The following RBMS3 variants were observed in gnomAD, a reference collection of about 807,000 sequenced individuals.
RBMS3 encodes RNA-binding motif, single-stranded-interacting protein 3.
RBMS3 carries 27 observed loss-of-function variants against 66.8 expected under a neutral mutation model. The observed-to-expected ratio is 0.40, with a 90% CI of 0.30 to 0.56. RBMS3 has a LOEUF of 0.56. Ranked by LOEUF, RBMS3 falls within the 20% of genes least tolerant of loss-of-function variation. The pLI is 0.40. For missense variants in RBMS3, 513 were observed against 549.5 expected, an observed-to-expected ratio of 0.93 and a Z score of 0.66; for synonymous variants, 188 against 183.0, an observed-to-expected ratio of 1.03 and a Z score of -0.22.
intron 1 of RBMS3, among the ~76,000 whole-genome samples, chr3:29,315,395 A>G (rs900286752): frequency 6.6e-6 from 1 of 151,704 alleles, no homozygotes; most frequent in African/African-American, 2.4e-5. Context: ...TCCTCATTAT[A>G]TTTCTTCCTC....
intron 4 of RBMS3, among the ~76,000 whole-genome samples, chr3:29,587,476 A>G (rs1016303395): frequency 6.6e-6 from 1 of 151,502 alleles, no homozygotes; most frequent in Admixed American, 6.6e-5. Context: ...TATATTTATT[A>G]TTGTATCTTT....
At chr3:29,588,913 G>C (rs1446973595) in intron 4 of RBMS3, among the ~76,000 whole-genome samples, 1 of 151,950 alleles carries the variant, frequency 6.6e-6, no homozygotes, top group African/African-American at 2.4e-5. Context: ...CCAAGAAAAT[G>C]AATAGAAAAA....
chr3:29,553,868 T>C (rs1030457989), intron 3 of RBMS3, among the ~76,000 whole-genome samples: 1 of 151,588 alleles, frequency 6.6e-6, no homozygotes, highest in Admixed American at 6.6e-5. Flanking sequence ...AAAGGTACAC[T>C]GTGTGAATTT....
At chr3:29,764,667 T>C (rs1209367797) in intron 6 of RBMS3, among the ~76,000 whole-genome samples, 1 of 152,098 alleles carries the variant, frequency 6.6e-6, no homozygotes, top group East Asian at 1.9e-4. Context: ...ATTGAAAGCC[T>C]TCTTGCCCTG....
chr3:29,702,495 A>G (rs1033223233), intron 4 of RBMS3, among the ~76,000 whole-genome samples: 1 of 152,048 alleles, frequency 6.6e-6, no homozygotes, highest in Admixed American at 6.5e-5. Context: ...GTCCTCTTTC[A>G]CTCTGTGGAA....
At chr3:29,779,411 C>T (rs2056543376) in intron 6 of RBMS3, among the ~76,000 whole-genome samples, 1 of 151,516 alleles carries the variant, frequency 6.6e-6, no homozygotes, top group East Asian at 1.9e-4. Flanking sequence ...TTTTCTCCAT[C>T]TGTATAGTAT....
intron 4 of RBMS3, among the ~76,000 whole-genome samples, chr3:29,728,394 T>C (rs1226973550): frequency 1.3e-5 from 2 of 152,052 alleles, no homozygotes; most frequent in Non-Finnish European, 2.9e-5. Flanking sequence ...ATGTAAATAA[T>C]GTATATGCCA....
chr3:29,978,007 G>A (rs1156436813), intron 12 of RBMS3, among the ~76,000 whole-genome samples: 3 of 152,072 alleles, frequency 2.0e-5, no homozygotes, highest in Non-Finnish European at 1.5e-5. Flanking sequence ...GATATCACAG[G>A]TCGTTCTCTT....
rs1352928087 is a variant in RBMS3, at chr3:30,006,720, C to T, written c.*2858C>T. On this transcript the variant is annotated 3_prime_UTR_variant, in exon 15 of 15. Coordinates refer to ENST00000383767, the MANE Select transcript of RBMS3 (RefSeq NM_001003793.3). ...AATATGAAACCAACATACTTTCTTTCATTTTTGTGAAAAAATAACCAAAAA... is the reference window on the plus strand; with the variant it reads ...AATATGAAACCAACATACTTTCTTTTATTTTTGTGAAAAAATAACCAAAAA... 1.3e-5 allele frequency: 2 copies of T among 151,918 alleles called. No homozygotes were observed. Among genetic ancestry groups the T allele is most frequent in the Non-Finnish European group, 2.9e-5 (2 of 67,884 alleles). 9.4% of individuals were successfully genotyped at this position (151,918 alleles called of 1,614,324 possible).
intron 1 of RBMS3, among the ~76,000 whole-genome samples, chr3:29,359,967 G>A (rs9818338): frequency 0.52 from 79,632 of 151,758 alleles, 21,263 homozygotes; most frequent in African/African-American, 0.63. Flanking sequence ...CTAGCAGTCT[G>A]TCAATTTTGT....
At chr3:29,295,356 TAC>T (rs1317932155) in intron 1 of RBMS3, among the ~76,000 whole-genome samples, 134 of 145,242 alleles carry the variant, frequency 9.2e-4, no homozygotes, top group East Asian at 3.6e-3. Context: ...CATATATATA[TAC>T]ACACACATAT....
At chr3:29,358,826 C>T (rs2037386811) in intron 1 of RBMS3, among the ~76,000 whole-genome samples, 1 of 152,140 alleles carries the variant, frequency 6.6e-6, no homozygotes, top group African/African-American at 2.4e-5. Context: ...TGGGAGTTCA[C>T]TCATGATTTG....
intron 10 of RBMS3, chr3:29,924,861 A>G (rs1477764615): frequency 6.6e-6 from 1 of 151,010 alleles, no homozygotes; most frequent in Non-Finnish European, 1.5e-5. Flanking sequence ...AAAAAAAAAG[A>G]GAGAGAGAGA....
intron 3 of RBMS3, 55 bp downstream of exon 3, chr3:29,488,554 G>GAAGAACCATTAA: frequency 6.7e-7 from 1 of 1,495,354 alleles, no homozygotes; most frequent in Non-Finnish European, 9.2e-7. Flanking sequence ...CTGATTAATG[G>GAAGAACCATTAA]TTCTTCCATT....
At chr3:29,695,115 C>T (rs2052207118) in intron 4 of RBMS3, among the ~76,000 whole-genome samples, 2 of 151,964 alleles carry the variant, frequency 1.3e-5, no homozygotes, top group South Asian at 2.1e-4. Flanking sequence ...AATTCCAAGT[C>T]CCTTTGGAGT....
chr3:29,934,202 C>G (rs1427105364), intron 10 of RBMS3: 3 of 151,812 alleles, frequency 2.0e-5, no homozygotes, highest in Non-Finnish European at 4.4e-5. Context: ...GTTGGAATGT[C>G]TAAGGGCAAA....
intron 1 of RBMS3, among the ~76,000 whole-genome samples, chr3:29,323,691 T>TACACACAC (rs10565045): frequency 1.5e-3 from 212 of 144,374 alleles, no homozygotes; most frequent in East Asian, 5.6e-3. Context: ...CACACACACA[T>TACACACAC]ACACACACAC....
chr3:29,992,640 G>A (rs1698962542), intron 14 of RBMS3, among the ~76,000 whole-genome samples: 1 of 152,120 alleles, frequency 6.6e-6, no homozygotes, highest in South Asian at 2.1e-4. Flanking sequence ...TATTGCAATA[G>A]GGGAAGAGAG....
intron 6 of RBMS3, among the ~76,000 whole-genome samples, chr3:29,833,797 TG>T (rs2058434107): frequency 6.6e-6 from 1 of 152,090 alleles, no homozygotes; most frequent in Non-Finnish European, 1.5e-5. Context: ...TTTCCAAATC[TG>T]GCGAGAGATG....
Sources: gnomAD v4.1 joint callset for allele counts (sites outside exome capture counted in the v4.1 genomes callset) on GRCh38, gnomAD v4.1.1 for gene constraint, MANE v1.5 for transcripts, NCBI Gene and HGNC (gene_info 2026-07-23, HGNC 2026-07-21) for gene names.